PRKN: variants seen among roughly 807,000 people sequenced by gnomAD.
PRKN encodes the protein E3 ubiquitin-protein ligase parkin.
In PRKN, 56 loss-of-function variants were observed where a neutral mutation model predicts 59.5. That is an observed-to-expected ratio of 0.94 (90% CI 0.76 to 1.18). The LOEUF (loss-of-function observed/expected upper bound fraction) is 1.18, where lower values mean the gene tolerates loss of function less well. Ranked by LOEUF, PRKN falls within the 50% of genes most tolerant of loss-of-function variation. The probability of loss-of-function intolerance (pLI) is 0.00; values close to 1 mark genes in which losing one functional copy is unlikely to be tolerated. For missense variants in PRKN, 657 were observed against 596.4 expected (o/e 1.10, Z -1.06); for synonymous variants, 250 against 222.1 (o/e 1.13, Z -1.12).
At chr6:162,359,079 AAT>A (rs1554304695) in intron 2 of PRKN, among the ~76,000 whole-genome samples, 9,607 of 82,786 alleles carry the variant, frequency 0.12, 547 homozygotes, top group South Asian at 0.19. Context: ...AAAAAAAAAA[AAT>A]ATATATATAT....
At position 161,451,481 on chromosome 6, in the gene PRKN, G is replaced by A. The variant is rs1178655323; in HGVS notation, c.1084-64604C>T. 6.6e-6 allele frequency among the ~76,000 whole-genome samples: 1 copy of A among 152,138 alleles called. No homozygotes were observed. Among genetic ancestry groups the A allele is most frequent in the Non-Finnish European group, 1.5e-5 (1 of 68,038 alleles). ...ACAGACTCCATCAACAGGAGGCAACGCAGCCTCAGGATACCACCTGCCCAC... is the reference window on the plus strand; with the variant it reads ...ACAGACTCCATCAACAGGAGGCAACACAGCCTCAGGATACCACCTGCCCAC... On this transcript the variant is annotated intron_variant, in intron 9 of 11. Coordinates refer to ENST00000366898, the MANE Select transcript of PRKN (RefSeq NM_004562.3). This position sits in a 1 kb window ranked among gnomAD's most constrained non-coding sequence, Gnocchi z 5.9.
intron 1 of PRKN, among the ~76,000 whole-genome samples, chr6:162,668,251 C>T (rs1779178907): frequency 6.6e-6 from 1 of 152,100 alleles, no homozygotes; most frequent in African/African-American, 2.4e-5. Context: ...AAATATGAAA[C>T]TTTATTATAA....
At chr6:162,497,748 T>G (rs557474801) in intron 1 of PRKN, among the ~76,000 whole-genome samples, 5 of 152,276 alleles carry the variant, frequency 3.3e-5, no homozygotes, top group Admixed American at 2.6e-4. Flanking sequence ...GTACACAGTA[T>G]TCCATCTTCT....
At position 161,737,490 on chromosome 6, in the gene PRKN, C is replaced by T. The variant is rs78009264; in HGVS notation, c.871+48282G>A. On this transcript the variant is annotated intron_variant, in intron 7 of 11. Coordinates refer to ENST00000366898, the MANE Select transcript of PRKN (RefSeq NM_004562.3). ...AATAAAGTGTGGATAGAAATAAGTA[C>T]GAAAAGAATTATAAGATCTAATATG... Among the ~76,000 whole-genome samples the T allele has an allele frequency of 2.9e-3, 442 of 152,236 alleles. 1 individual carries two copies. The highest frequency in any genetic ancestry group is 4.8e-3 in the Admixed American group (74 of 15,280).
At chr6:162,625,711 T>C (rs1782857300) in intron 1 of PRKN, among the ~76,000 whole-genome samples, 1 of 152,108 alleles carries the variant, frequency 6.6e-6, no homozygotes, top group South Asian at 2.1e-4. Context: ...TGTGTGTGTG[T>C]GTATATATAT....
intron 1 of PRKN, among the ~76,000 whole-genome samples, chr6:162,607,953 G>A (rs1250136566): frequency 6.6e-6 from 1 of 152,194 alleles, no homozygotes; most frequent in African/African-American, 2.4e-5. Context: ...GCAGTGCTGA[G>A]AGCTCATTTG....
chr6:161,510,484 G>A (rs778644260), intron 9 of PRKN, among the ~76,000 whole-genome samples: 2 of 152,166 alleles, frequency 1.3e-5, no homozygotes, highest in Non-Finnish European at 2.9e-5. Context: ...TGAGACCAAC[G>A]CGAAGCCCAT....
Position 162,397,974 on chromosome 6 carries a change from T to C in PRKN, c.171+45336A>G, listed in dbSNP as rs373047216. Among the ~76,000 whole-genome samples, 225 of 151,262 alleles carry C rather than the reference T, an allele frequency of 1.5e-3. 8 individuals carry two copies. In the South Asian group the frequency reaches 0.046, roughly 31 times the overall value. ...ACCACTTGAGCCTAGTACCTGGACG[T>C]TGCAGTGAGCTGGGATCTCACCACT... On this transcript the variant is annotated intron_variant, in intron 2 of 11. Coordinates refer to ENST00000366898, the MANE Select transcript of PRKN (RefSeq NM_004562.3).
chr6:161,955,213 A>G (rs1780128005), intron 6 of PRKN, among the ~76,000 whole-genome samples: 2 of 152,104 alleles, frequency 1.3e-5, no homozygotes, highest in Non-Finnish European at 2.9e-5. Flanking sequence ...GTGCTTTGTA[A>G]GATGCTCAAC....
chr6:162,426,285 T>A (rs190019842), intron 2 of PRKN, among the ~76,000 whole-genome samples: 182 of 152,198 alleles, frequency 1.2e-3, no homozygotes, highest in East Asian at 0.01. Context: ...CAGGTATACA[T>A]AGAAACTATA....
At chr6:162,557,658 C>T (rs1388196304) in intron 1 of PRKN, among the ~76,000 whole-genome samples, 4 of 152,070 alleles carry the variant, frequency 2.6e-5, no homozygotes, top group Non-Finnish European at 5.9e-5. Context: ...ATCAGGCGCC[C>T]GCCATCACAC....
intron 7 of PRKN, among the ~76,000 whole-genome samples, chr6:161,733,987 CACACACACA>C (rs2128189342): frequency 6.9e-6 from 1 of 145,354 alleles, no homozygotes; most frequent in African/African-American, 2.7e-5. Context: ...CACACACACA[CACACACACA>C]CACACACACA....
In PRKN at chr6:161,361,405, T is replaced by G. The variant is rs1461322593; in HGVS notation, c.1168-1200A>C. 1.3e-5 allele frequency among the ~76,000 whole-genome samples: 2 copies of G among 152,208 alleles called. No individual in the cohort carries two copies. Among genetic ancestry groups the G allele is most frequent in the African/African-American group, 4.8e-5 (2 of 41,454 alleles). Reference sequence around the variant, plus strand: ...CATATCCCCAGTTTCTGGCATAGAATCTGGTACACAGCAGGCGATCAGTAC... The same window carrying G: ...CATATCCCCAGTTTCTGGCATAGAAGCTGGTACACAGCAGGCGATCAGTAC... On this transcript the variant is annotated intron_variant, in intron 10 of 11. Coordinates refer to ENST00000366898, the MANE Select transcript of PRKN (RefSeq NM_004562.3). This position sits in a 1 kb window ranked among gnomAD's most constrained non-coding sequence, Gnocchi z 5.2.
chr6:161,839,659 GA>G (rs1015872598), intron 6 of PRKN, among the ~76,000 whole-genome samples: 1 of 152,174 alleles, frequency 6.6e-6, no homozygotes, highest in Non-Finnish European at 1.5e-5. Flanking sequence ...CTTGAATCAG[GA>G]ATGTCCTCTA....
At chr6:161,901,512 C>T (rs867772250) in intron 6 of PRKN, among the ~76,000 whole-genome samples, 1 of 152,106 alleles carries the variant, frequency 6.6e-6, no homozygotes, top group African/African-American at 2.4e-5. Context: ...AGACAACACA[C>T]CTCAGATTTT....
In PRKN at chr6:161,373,673, C is replaced by G. The variant is rs1785533904; in HGVS notation, c.1167+13121G>C. On this transcript the variant is annotated intron_variant, in intron 10 of 11. Transcript: ENST00000366898. This position sits in a 1 kb window ranked among gnomAD's most constrained non-coding sequence, Gnocchi z 4.8. ...TAAATGGGCTACACCTCTGTGCTTG[C>G]GGGGTGCTGAGTTTAAACGGGCTAT... Among the ~76,000 whole-genome samples the G allele has an allele frequency of 6.6e-6, 1 of 150,534 alleles. No individual in the cohort carries two copies. The highest frequency in any genetic ancestry group is 2.1e-4 in the South Asian group (1 of 4,756).
intron 2 of PRKN, among the ~76,000 whole-genome samples, chr6:162,288,003 C>T (rs1781271681): frequency 6.6e-6 from 1 of 152,082 alleles, no homozygotes. Context: ...ATTTCCCAGG[C>T]CAAATGCCTC....
rs1052481539 is a variant in PRKN at position 161,561,045 on chromosome 6, A to G, written c.933+8310T>C. Among the ~76,000 whole-genome samples, 1 of 152,174 alleles carries G rather than the reference A, an allele frequency of 6.6e-6. No individual in the cohort carries two copies. Among genetic ancestry groups the G allele is most frequent in the African/African-American group, 2.4e-5 (1 of 41,452 alleles). On this transcript the variant is annotated intron_variant, in intron 8 of 11. Coordinates refer to ENST00000366898, the MANE Select transcript of PRKN (RefSeq NM_004562.3). This position sits in a 1 kb window ranked among gnomAD's most constrained non-coding sequence, Gnocchi z 5.0. ...CTTAAATAATGGACCACAAACTTCA[A>G]ATGGGCATTTACAACTTCCTCAAGA...
chr6:161,488,782 G>C lies in PRKN; in HGVS notation c.1083+60072C>G, dbSNP rs1583142293. On this transcript the variant is annotated intron_variant, in intron 9 of 11. Transcript: ENST00000366898. The surrounding 1 kb of genome is among the most constrained non-coding windows in gnomAD (Gnocchi z 4.5). ...TTACAGGCGTAAGCCACCACACCTG[G>C]CATAACAAGGAATTTTTGACAGTGA... 6.6e-6 allele frequency among the ~76,000 whole-genome samples: 1 copy of C among 152,180 alleles called. No homozygotes were observed. The highest frequency in any genetic ancestry group is 2.1e-4 in the South Asian group (1 of 4,830).
Sources: allele counts gnomAD v4.1 joint callset (sites outside exome capture counted in the v4.1 genomes callset), GRCh38; gene constraint gnomAD v4.1.1; non-coding constraint Gnocchi (gnomAD v3.1); transcripts MANE v1.5; gene names NCBI Gene and HGNC (gene_info 2026-07-23, HGNC 2026-07-21).